The following SCGB1D1 variants were observed in gnomAD, a reference collection of about 807,000 sequenced individuals.
SCGB1D1 encodes the protein secretoglobin family 1D member 1, also known as lipophilin A (uteroglobin family member).
In SCGB1D1, 10 loss-of-function variants were observed where a neutral mutation model predicts 8.3. The observed-to-expected ratio is 1.21, with a 90% confidence interval of 0.74 to 2.05. The LOEUF (loss-of-function observed/expected upper bound fraction) is 2.05, where lower values mean the gene tolerates loss of function less well. Ranked by LOEUF, SCGB1D1 falls within the 30% of genes most tolerant of loss-of-function variation. SCGB1D1 has a pLI of 0.00. For missense variants in SCGB1D1, 94 were observed against 105.1 expected (o/e 0.89, Z 0.46); for synonymous variants, 46 against 41.7 (o/e 1.10, Z -0.39).
intron 1 of SCGB1D1, 122 bp downstream of exon 1, chr11:62,190,461 G>C: frequency 8.3e-7 from 1 of 1,201,114 alleles, no homozygotes; most frequent in Non-Finnish European, 1.2e-6. Flanking sequence ...ACCTTATCCT[G>C]TGCTTGTTGA....
At chr11:62,190,723 G>C (rs981169008) in intron 1 of SCGB1D1, among the ~76,000 whole-genome samples, 3 of 152,100 alleles carry the variant, frequency 2.0e-5, no homozygotes, top group Non-Finnish European at 4.4e-5. Flanking sequence ...GCTTCTTCCG[G>C]GAGTGGCAAT....
intron 2 of SCGB1D1, among the ~76,000 whole-genome samples, chr11:62,192,769 G>A (rs116463736): frequency 6.6e-4 from 100 of 152,144 alleles, no homozygotes; most frequent in African/African-American, 2.1e-3. Context: ...CAGACTCCAC[G>A]CTCCCCTCCT....
intron 1 of SCGB1D1, among the ~76,000 whole-genome samples, chr11:62,190,685 G>A (rs1001103529): frequency 3.9e-5 from 6 of 152,088 alleles, no homozygotes; most frequent in Admixed American, 2.0e-4. Flanking sequence ...CACCCTCCCC[G>A]CGCCTCCTCC....
intron 2 of SCGB1D1, 146 bp downstream of exon 2, chr11:62,192,389 C>G (rs1808415139): frequency 3.0e-6 from 2 of 671,350 alleles, no homozygotes; most frequent in Non-Finnish European, 5.2e-6. Context: ...CCTGGGACCA[C>G]AGGGTGGGTG....
At chr11:62,190,755 T>G (rs984690544) in intron 1 of SCGB1D1, among the ~76,000 whole-genome samples, 1 of 152,196 alleles carries the variant, frequency 6.6e-6, no homozygotes, top group Non-Finnish European at 1.5e-5. Context: ...GGGATTATTG[T>G]GCCAAGGGTC....
Position 62,193,397 on chromosome 11 carries a change from AG to A in SCGB1D1, c.245del. The A allele has an allele frequency of 1.2e-6, 2 of 1,612,244 alleles. No homozygotes were observed. Among genetic ancestry groups the A allele is most frequent in the Non-Finnish European group, 1.7e-6 (2 of 1,179,190 alleles). Reference sequence around the variant, plus strand: ...CTTCCTTTCTTTCCTTTTCTATTTCAGGGAAAAATAGCAGAGAAATGTGATC... The same window carrying A: ...CTTCCTTTCTTTCCTTTTCTATTTCAGGAAAAATAGCAGAGAAATGTGATC... On this transcript the variant is annotated splice_acceptor_variant, in intron 2 of 2. Transcript: ENST00000306238. LOFTEE classifies it high-confidence loss of function.
At chr11:62,192,000 C>T in intron 1 of SCGB1D1, 56 bp from the exon 2 acceptor site, 1 of 1,464,224 alleles carries the variant, frequency 6.8e-7, no homozygotes, top group Non-Finnish European at 9.2e-7. Flanking sequence ...ATCAGGGAGG[C>T]ATGGGAGAAA....
chr11:62,190,952 C>T (rs889797366), intron 1 of SCGB1D1, among the ~76,000 whole-genome samples: 2 of 152,106 alleles, frequency 1.3e-5, no homozygotes, highest in Non-Finnish European at 2.9e-5. Flanking sequence ...CAATAAGAAG[C>T]CTGCAAATGA....
At chr11:62,192,630 G>A (rs1042302121) in intron 2 of SCGB1D1, among the ~76,000 whole-genome samples, 1 of 152,222 alleles carries the variant, frequency 6.6e-6, no homozygotes, top group African/African-American at 2.4e-5. Context: ...ACTGGGGAGT[G>A]TGGGAGCCTT....
In SCGB1D1 at chr11:62,193,171, C is replaced by T. The variant is rs375340133; in HGVS notation, c.244-228C>T. ...CTCTTGCTGCTCTGCTCTGTCCCCC[C>T]TCTATGAGGACCCTGGGCCTTATGC... is the stretch of plus-strand genomic sequence containing the variant. On this transcript the variant is annotated intron_variant, in intron 2 of 2. Coordinates refer to ENST00000306238, the MANE Select transcript of SCGB1D1 (RefSeq NM_006552.2). Among the ~76,000 whole-genome samples the T allele has an allele frequency of 1.6e-4, 25 of 152,322 alleles. 1 individual carries two copies. The East Asian group carries it at 3.3e-3, about 20-fold the overall frequency.
chr11:62,192,208 G>A lies in SCGB1D1; in HGVS notation c.208G>A (p.Ala70Thr), dbSNP rs1441698948. The A allele has an allele frequency of 8.1e-6, 13 of 1,612,954 alleles. No homozygotes were observed. In the East Asian group the frequency reaches 2.0e-4, roughly 25 times the overall value. ...AGTGAAGAAATGCGTGGATACGATG[G>A]CCTATGAGAAAAGAGTGCTAATTAC... is the stretch of plus-strand genomic sequence containing the variant. ...MEVKKCVDTMAYEKRVLITKT... is the reference protein window; with the variant it reads ...MEVKKCVDTMTYEKRVLITKT... The change falls in exon 2 of 3, where the codon GCC becomes ACC. Residue 70 changes from alanine to threonine, a missense_variant. Ala to Thr is a moderately conservative substitution (Grantham distance 58). Coordinates refer to ENST00000306238, the MANE Select transcript of SCGB1D1 (RefSeq NM_006552.2).
At position 62,190,274 on chromosome 11, in the gene SCGB1D1, A is replaced by C; in HGVS notation, c.-11A>C. The C allele has an allele frequency of 6.2e-7, 1 of 1,614,130 alleles. No homozygotes were observed. The highest frequency in any genetic ancestry group is 8.5e-7 in the Non-Finnish European group (1 of 1,180,006). On this transcript the variant is annotated 5_prime_UTR_variant, in exon 1 of 3. Coordinates refer to ENST00000306238, the MANE Select transcript of SCGB1D1 (RefSeq NM_006552.2). Reference sequence around the variant, plus strand: ...TTGGTTAAAGCCGAGCTCACAGCAGAATAAGCCACCATGAGGCTGTCGGTG... The same window carrying C: ...TTGGTTAAAGCCGAGCTCACAGCAGCATAAGCCACCATGAGGCTGTCGGTG...
chr11:62,191,965 C>T (rs1240384039), intron 1 of SCGB1D1, 91 bp from the exon 2 acceptor site: 3 of 1,188,388 alleles, frequency 2.5e-6, no homozygotes, highest in South Asian at 3.4e-5. Flanking sequence ...AAGCCTAAAA[C>T]CCTGGGGTTC....
At chr11:62,192,696 C>T (rs1413825875) in intron 2 of SCGB1D1, among the ~76,000 whole-genome samples, 1 of 152,192 alleles carries the variant, frequency 6.6e-6, no homozygotes, top group African/African-American at 2.4e-5. Flanking sequence ...GCAGATGCTG[C>T]GCTGGAGGGC....
rs904311421 is a variant in SCGB1D1 at position 62,192,000 on chromosome 11, C to A, written c.56-56C>A. 7.5e-6 allele frequency: 11 copies of A among 1,464,106 alleles called. No homozygotes were observed. In the African/African-American group the frequency reaches 1.6e-4, roughly 21 times the overall value. 90.7% of individuals were successfully genotyped at this position (1,464,106 alleles called of 1,614,324 possible). A position where few individuals can be genotyped will look rare whatever the true frequency, so the allele number is the denominator to read the frequency against. On this transcript the variant is annotated intron_variant, in intron 1 of 2. Transcript: ENST00000306238. ...CCTGTCTGGTCTGACATCAGGGAGG[C>A]ATGGGAGAAACACTGATTTCCTTAC...
At chr11:62,191,431 G>A (rs938290939) in intron 1 of SCGB1D1, among the ~76,000 whole-genome samples, 1 of 152,148 alleles carries the variant, frequency 6.6e-6, no homozygotes, top group Non-Finnish European at 1.5e-5. Flanking sequence ...TGCAGAATAT[G>A]GGCCAAGTAC....
chr11:62,192,543 A>C (rs1944686771), intron 2 of SCGB1D1, among the ~76,000 whole-genome samples: 1 of 152,188 alleles, frequency 6.6e-6, no homozygotes, highest in Non-Finnish European at 1.5e-5. Context: ...GGGGTGGTGA[A>C]GGGCCAAGCA....
chr11:62,192,002 T>C, intron 1 of SCGB1D1, 54 bp from the exon 2 acceptor site: 1 of 1,484,726 alleles, frequency 6.7e-7, no homozygotes, highest in Non-Finnish European at 9.1e-7. Flanking sequence ...CAGGGAGGCA[T>C]GGGAGAAACA....
At position 62,192,095 on chromosome 11, in the gene SCGB1D1, C is replaced by T. The variant is rs558598817; in HGVS notation, c.95C>T (p.Thr32Ile). The T allele has an allele frequency of 3.1e-5, 50 of 1,612,150 alleles. No homozygotes were observed. Among genetic ancestry groups the T allele is most frequent in the African/African-American group, 9.3e-5 (7 of 75,016 alleles). The change falls in exon 2 of 3, where the codon ACA (threonine) becomes ATA (isoleucine). Residue 32 changes from threonine to isoleucine, a missense_variant. By Grantham distance (89) the Thr-to-Ile change is moderately conservative (BLOSUM62 -1). Transcript: ENST00000306238. Reference protein sequence around the residue: ...VVCQALGSEITGFLLAGKPVF... With the variant: ...VVCQALGSEIIGFLLAGKPVF... The stretch of plus-strand genomic sequence containing the variant: ...TGCCAAGCTCTTGGTTCTGAAATCA[C>T]AGGCTTCTTATTAGCTGGAAAACCT...
Sources: gnomAD v4.1 joint callset for allele counts (sites outside exome capture counted in the v4.1 genomes callset) on GRCh38, gnomAD v4.1.1 for gene constraint, MANE v1.5 for transcripts, NCBI Gene and HGNC (gene_info 2026-07-23, HGNC 2026-07-21) for gene names.